Variants in GFI1 observed in about 807,000 individuals in gnomAD.
The protein encoded by GFI1 is growth factor independent 1 transcriptional repressor, also known as zinc finger protein Gfi-1.
A neutral mutation model predicts 39.2 loss-of-function variants in GFI1; 15 were observed. The ratio of observed to expected loss-of-function variants is 0.38; its 90% CI spans 0.26 to 0.59. The LOEUF (loss-of-function observed/expected upper bound fraction) is 0.59, where lower values mean the gene tolerates loss of function less well. Ranked by LOEUF, GFI1 falls within the 20% of genes least tolerant of loss-of-function variation. The probability of loss-of-function intolerance (pLI) is 0.62; values close to 1 mark genes in which losing one functional copy is unlikely to be tolerated. For synonymous variants in GFI1, 239 were observed against 254.3 expected, an observed-to-expected ratio of 0.94 and a Z score of 0.57; for missense variants, 475 against 574.0, an observed-to-expected ratio of 0.83 and a Z score of 1.76.
chr1:92,483,005 C>A lies in GFI1; in HGVS notation c.157G>T (p.Asp53Tyr). 1 of 1,607,176 alleles carries A rather than the reference C, an allele frequency of 6.2e-7. No individual in the cohort carries two copies. The highest frequency in any genetic ancestry group is 1.1e-5 in the South Asian group (1 of 90,938). The change falls in exon 3 of 7, where the codon GAC becomes TAC. Residue 53 changes from aspartate to tyrosine, a missense_variant. Physicochemically the swap from Asp to Tyr is radical, Grantham distance 160. This residue lies in a region of GFI1 where 275 missense variants were observed against 275.8 expected (regional missense o/e 1.00). Coordinates refer to ENST00000294702, the MANE Select transcript of GFI1 (RefSeq NM_005263.5). Reference sequence around the variant, plus strand: ...AGCTGCGATTCGGGGGACAAACGGTCCCGGGGCTCCGCCTTCGCCCCGCCT... The same window carrying A: ...AGCTGCGATTCGGGGGACAAACGGTACCGGGGCTCCGCCTTCGCCCCGCCT... ...NAGGAKAEPR[D>Y]RLSPESQLTE... is the part of the protein sequence containing the mutation.
In GFI1 at chr1:92,474,915, G is replaced by A. The variant is rs1269208525; in HGVS notation, c.*1114C>T. 1 of 152,434 alleles carries A rather than the reference G, an allele frequency of 6.6e-6. No homozygotes were observed. The highest frequency in any genetic ancestry group is 2.4e-5 in the African/African-American group (1 of 41,440). 9.4% of individuals were successfully genotyped at this position (152,434 alleles called of 1,614,324 possible). Reference sequence around the variant, plus strand: ...TCTATGGTACACATGGAGGGTCAAAGAGTTGAAGACAGAGCCTTCCTTCCC... The same window carrying A: ...TCTATGGTACACATGGAGGGTCAAAAAGTTGAAGACAGAGCCTTCCTTCCC... On this transcript the variant is annotated 3_prime_UTR_variant, in exon 7 of 7. Transcript: ENST00000294702.
In GFI1 at chr1:92,481,023, A is replaced by T; in HGVS notation, c.364T>A (p.Tyr122Asn). 6.2e-7 allele frequency: 1 copy of T among 1,611,716 alleles called. No homozygotes were observed. Among genetic ancestry groups the T allele is most frequent in the Non-Finnish European group, 8.5e-7 (1 of 1,179,120 alleles). The change falls in exon 4 of 7, where the codon TAC becomes AAC. Residue 122 changes from tyrosine to asparagine, a missense_variant. Transcript: ENST00000294702. This position sits in a 1 kb window ranked among gnomAD's most constrained non-coding sequence, Gnocchi z 4.3. ...AQPFPLPFKPYSWSGLAGSDL... is the reference protein window; with the variant it reads ...AQPFPLPFKPNSWSGLAGSDL... ...GAACCCGCCAGGCCGCTCCATGAGT[A>T]CGGTTTGAAAGGCAGGGGGAAGGGC...
At chr1:92,478,806 T>C in intron 5 of GFI1, 53 bp from the exon 6 acceptor site, 1 of 1,273,108 alleles carries the variant, frequency 7.9e-7, no homozygotes, top group Non-Finnish European at 1.1e-6. Context: ...GCAGAACTCC[T>C]ACTGCAGTCA....
Position 92,475,725 on chromosome 1 carries a change from A to G in GFI1, c.*304T>C. On this transcript the variant is annotated 3_prime_UTR_variant, in exon 7 of 7. Transcript: ENST00000294702. ...GAAATGGGAAGGACTGTGGGGTCTA[A>G]GATTTATTCTGGTCCCCATTTGACT... 2.3e-6 allele frequency: 1 copy of G among 429,788 alleles called. No homozygotes were observed. The highest frequency in any genetic ancestry group is 4.4e-6 in the Non-Finnish European group (1 of 229,544). The allele number at this position is 429,788 out of a possible 1,614,324, so 26.6% of individuals were successfully genotyped here.
At position 92,484,847 on chromosome 1, in the gene GFI1, C is replaced by G. The variant is rs61779244; in HGVS notation, c.-99-1261G>C. Among the ~76,000 whole-genome samples, 3,193 of 152,300 alleles carry G rather than the reference C, an allele frequency of 0.021. 54 individuals are homozygous for G. The highest frequency in any genetic ancestry group is 0.032 in the Non-Finnish European group (2,200 of 68,012). ...CGTGAGCTGCAGTACAGCAGTTCTC[C>G]GTGGCCTCGGCTGGTTCAGAAACGA... On this transcript the variant is annotated intron_variant, in intron 1 of 6. Coordinates refer to ENST00000294702, the MANE Select transcript of GFI1 (RefSeq NM_005263.5). This position sits in a 1 kb window ranked among gnomAD's most constrained non-coding sequence, Gnocchi z 4.1.
chr1:92,479,929 C>T (rs971252168), intron 5 of GFI1, among the ~76,000 whole-genome samples: 4 of 152,218 alleles, frequency 2.6e-5, no homozygotes, highest in South Asian at 2.1e-4. Flanking sequence ...CTACTAGATG[C>T]TCTAAATGAG....
chr1:92,479,727 C>A (rs1319284029), intron 5 of GFI1, among the ~76,000 whole-genome samples: 1 of 152,122 alleles, frequency 6.6e-6, no homozygotes, highest in African/African-American at 2.4e-5. Flanking sequence ...GTGGCATGCG[C>A]CTGTAATCCC....
At chr1:92,477,131 A>G (rs1194132875) in intron 6 of GFI1, among the ~76,000 whole-genome samples, 1 of 152,236 alleles carries the variant, frequency 6.6e-6, no homozygotes, top group Non-Finnish European at 1.5e-5. Flanking sequence ...TCCTTGCTAA[A>G]AACTCTTTTC....
Position 92,473,955 on chromosome 1 carries a change from A to G in GFI1, c.*2074T>C, listed in dbSNP as rs1657840681. 6.6e-6 allele frequency among the ~76,000 whole-genome samples: 1 copy of G among 152,232 alleles called. No individual in the cohort carries two copies. Among genetic ancestry groups the G allele is most frequent in the African/African-American group, 2.4e-5 (1 of 41,470 alleles). On this transcript the variant is annotated 3_prime_UTR_variant, in exon 7 of 7. Coordinates refer to ENST00000294702, the MANE Select transcript of GFI1 (RefSeq NM_005263.5). ...ATGCCCAGCACATACTGGGTGCTCAATTATATGTGTGAAATCAATTTGAGT... is the reference window on the plus strand; with the variant it reads ...ATGCCCAGCACATACTGGGTGCTCAGTTATATGTGTGAAATCAATTTGAGT...
At position 92,480,904 on chromosome 1, in the gene GFI1, A is replaced by G. The variant is rs374062963; in HGVS notation, c.483T>C (p.Pro161=). 4.8e-4 allele frequency: 740 copies of G among 1,546,282 alleles called. 7 individuals carry two copies. In the African/African-American group the frequency reaches 9.4e-3, roughly 20 times the overall value. ...GGCCGTACAGCGCGGCCGGGTGGCC[A>G]GGCTCCGGGGCGGGTTCGCAGAAGA... is the stretch of plus-strand genomic sequence containing the variant. The part of the protein sequence containing the change: ...LGLFCEPAPE[P]GHPAALYGPK... The change falls in exon 4 of 7, where the codon CCT becomes CCC. Residue 161 remains proline (P), a synonymous_variant. Transcript: ENST00000294702. The surrounding 1 kb of genome is among the most constrained non-coding windows in gnomAD (Gnocchi z 5.6).
chr1:92,476,225 G>T lies in GFI1; in HGVS notation c.1091-18C>A, dbSNP rs749281694. The T allele has an allele frequency of 1.3e-5, 21 of 1,605,830 alleles. No homozygotes were observed. Among genetic ancestry groups the T allele is most frequent in the Middle Eastern group, 1.7e-4 (1 of 6,050 alleles). ...CTTCTCACCTGTGGGGATGGGAGGG[G>T]GAGGGGAGAAAGTATGAGTCTATGA... is the stretch of plus-strand genomic sequence containing the variant. On this transcript the variant is annotated intron_variant, in intron 6 of 6. Transcript: ENST00000294702.
At position 92,480,577 on chromosome 1, in the gene GFI1, A is replaced by T. The variant is rs1174007561; in HGVS notation, c.786+24T>A. On this transcript the variant is annotated intron_variant, in intron 4 of 6. Coordinates refer to ENST00000294702, the MANE Select transcript of GFI1 (RefSeq NM_005263.5). The surrounding 1 kb of genome is among the most constrained non-coding windows in gnomAD (Gnocchi z 5.6). ...AGGGGAAGCGGGCGCACGGCAGGCGAGGTGGTGAGCTCGGGAGCCTCACCT... is the reference window on the plus strand; with the variant it reads ...AGGGGAAGCGGGCGCACGGCAGGCGTGGTGGTGAGCTCGGGAGCCTCACCT... 1 of 1,541,322 alleles carries T rather than the reference A, an allele frequency of 6.5e-7. No homozygotes were observed. Among genetic ancestry groups the T allele is most frequent in the Admixed American group, 2.0e-5 (1 of 51,128 alleles).
rs1302643142 is a variant in GFI1, at chr1:92,480,903, C to T, written c.484G>A (p.Gly162Ser). The change falls in exon 4 of 7, where the codon GGC becomes AGC. Residue 162 changes from glycine to serine, a missense_variant. By Grantham distance (56) the Gly-to-Ser change is moderately conservative (BLOSUM62 0). This residue lies in a region of GFI1 where 275 missense variants were observed against 275.8 expected (regional missense o/e 1.00). Coordinates refer to ENST00000294702, the MANE Select transcript of GFI1 (RefSeq NM_005263.5). This position sits in a 1 kb window ranked among gnomAD's most constrained non-coding sequence, Gnocchi z 5.6. ...GGGCCGTACAGCGCGGCCGGGTGGCCAGGCTCCGGGGCGGGTTCGCAGAAG... is the reference window on the plus strand; with the variant it reads ...GGGCCGTACAGCGCGGCCGGGTGGCTAGGCTCCGGGGCGGGTTCGCAGAAG... ...GLFCEPAPEPGHPAALYGPKR... is the reference protein window; with the variant it reads ...GLFCEPAPEPSHPAALYGPKR... The T allele has an allele frequency of 5.2e-6, 8 of 1,545,892 alleles. No individual in the cohort carries two copies. The African/African-American group carries it at 8.2e-5, about 16-fold the overall frequency.
In GFI1 at chr1:92,482,964, G is replaced by A; in HGVS notation, c.198C>T (p.Asp66=). 6.2e-7 allele frequency: 1 copy of A among 1,613,318 alleles called. No individual in the cohort carries two copies. The change falls in exon 3 of 7, where the codon GAC becomes GAT. Residue 66 remains aspartate, a synonymous_variant. Transcript: ENST00000294702. The surrounding 1 kb of genome is among the most constrained non-coding windows in gnomAD (Gnocchi z 4.4). The stretch of plus-strand genomic sequence containing the variant: ...AGCTGTCTGGGGATGCGGAGGCTCT[G>A]TCTGGGGCTTCGGTCAGCTGCGATT... The part of the protein sequence containing the change: ...SPESQLTEAP[D]RASASPDSCE...
In GFI1 at chr1:92,475,651, G is replaced by T. The variant is rs189400817; in HGVS notation, c.*378C>A. ...ACAAATATCTGGGGTAGGTCAAGAG[G>T]GGGGAGGGAAGAAACCTGAAGGGCA... is the stretch of plus-strand genomic sequence containing the variant. On this transcript the variant is annotated 3_prime_UTR_variant, in exon 7 of 7. Transcript: ENST00000294702. 19 of 300,614 alleles carry T rather than the reference G, an allele frequency of 6.3e-5. No homozygotes were observed. Among genetic ancestry groups the T allele is most frequent in the African/African-American group, 1.1e-4 (5 of 46,600 alleles). 18.6% of individuals were successfully genotyped at this position (300,614 alleles called of 1,614,324 possible).
chr1:92,475,691 T>G lies in GFI1; in HGVS notation c.*338A>C. 5.6e-6 allele frequency: 2 copies of G among 358,698 alleles called. No individual in the cohort carries two copies. Among genetic ancestry groups the G allele is most frequent in the Non-Finnish European group, 1.1e-5 (2 of 187,682 alleles). 22.2% of individuals were successfully genotyped at this position (358,698 alleles called of 1,614,324 possible). A position where few individuals can be genotyped will look rare whatever the true frequency, so the allele number is the denominator to read the frequency against. On this transcript the variant is annotated 3_prime_UTR_variant, in exon 7 of 7. Coordinates refer to ENST00000294702, the MANE Select transcript of GFI1 (RefSeq NM_005263.5). ...CCTGAAGGGCATTCCTGTCTGTAGA[T>G]TAGGGCTGGAAATGGGAAGGACTGT...
At position 92,478,616 on chromosome 1, in the gene GFI1, G is replaced by T; in HGVS notation, c.1062C>A (p.Asp354Glu). The change falls in exon 6 of 7, where the codon GAC (aspartate) becomes GAA (glutamate). Residue 354 changes from aspartate to glutamate, a missense_variant. Asp to Glu is a conservative substitution (Grantham distance 45). Around this residue, in one of 4 missense-constraint regions of GFI1, gnomAD observed 112 missense variants for 202.8 expected, o/e 0.55. Transcript: ENST00000294702. Reference protein sequence around the residue: ...YCGKRFHQKSDMKKHTFIHTG... With the variant: ...YCGKRFHQKSEMKKHTFIHTG... ...TGTGGATGAAAGTGTGTTTCTTCAT[G>T]TCTGACTTCTGGTGGAACCTCTTGC... 6.2e-7 allele frequency: 1 copy of T among 1,614,090 alleles called. No individual in the cohort carries two copies. The highest frequency in any genetic ancestry group is 8.5e-7 in the Non-Finnish European group (1 of 1,179,994).
In GFI1 at chr1:92,482,747, C is replaced by A. The variant is rs890457074; in HGVS notation, c.298+117G>T. The A allele has an allele frequency of 2.4e-5, 20 of 823,970 alleles. No homozygotes were observed. The highest frequency in any genetic ancestry group is 3.7e-5 in the Non-Finnish European group (18 of 487,434). 51.0% of individuals were successfully genotyped at this position (823,970 alleles called of 1,614,324 possible). ...TCCCCTACGAATCAGCTCCCTTCTCCCGGAAAGACTCTCCAACTCCCCGTT... is the reference window on the plus strand; with the variant it reads ...TCCCCTACGAATCAGCTCCCTTCTCACGGAAAGACTCTCCAACTCCCCGTT... On this transcript the variant is annotated intron_variant, in intron 3 of 6. Transcript: ENST00000294702. This position sits in a 1 kb window ranked among gnomAD's most constrained non-coding sequence, Gnocchi z 4.4.
rs1437174173 is a variant in GFI1 at position 92,483,191 on chromosome 1, G to A, written c.116-145C>T. The A allele has an allele frequency of 3.6e-6, 3 of 835,432 alleles. No homozygotes were observed. In the African/African-American group the frequency reaches 5.1e-5, roughly 14 times the overall value. The allele number at this position is 835,432 out of a possible 1,614,324, so 51.8% of individuals were successfully genotyped here. On this transcript the variant is annotated intron_variant, in intron 2 of 6. Transcript: ENST00000294702. ...CGGCCGGGAACCCTCTCGGATCCGAGGGCAGGCGCAGAGAGGCCATGGCAC... is the reference window on the plus strand; with the variant it reads ...CGGCCGGGAACCCTCTCGGATCCGAAGGCAGGCGCAGAGAGGCCATGGCAC...
Sources: gnomAD v4.1 joint callset for allele counts (sites outside exome capture counted in the v4.1 genomes callset) on GRCh38, gnomAD v4.1.1 for gene constraint, gnomAD v4.1.1 regional missense constraint, Gnocchi (gnomAD v3.1) non-coding constraint, MANE v1.5 for transcripts, NCBI Gene and HGNC (gene_info 2026-07-23, HGNC 2026-07-21) for gene names.